KCNJ15: variants seen among roughly 807,000 people sequenced by gnomAD.
The protein encoded by KCNJ15 is ATP-sensitive inward rectifier potassium channel 15.
Under a neutral mutation model 23.0 loss-of-function variants are expected in KCNJ15, and 14 were observed. The observed-to-expected ratio is 0.61, with a 90% CI of 0.40 to 0.95. The LOEUF (loss-of-function observed/expected upper bound fraction) is 0.95. Ranked by LOEUF, KCNJ15 falls within the 40% of genes least tolerant of loss-of-function variation. The probability of loss-of-function intolerance (pLI) is 0.00; values close to 1 mark genes in which losing one functional copy is unlikely to be tolerated. For synonymous variants in KCNJ15, 185 were observed against 183.2 expected, an observed-to-expected ratio of 1.01 and a Z score of -0.08; for missense variants, 388 against 461.8, an observed-to-expected ratio of 0.84 and a Z score of 1.46.
intron 1 of KCNJ15, among the ~76,000 whole-genome samples, chr21:38,243,941 A>G (rs1336472072): frequency 2.6e-5 from 4 of 152,182 alleles, no homozygotes; most frequent in Non-Finnish European, 5.9e-5. Flanking sequence ...CTTTGTTTCC[A>G]CTGTGTTTCT....
chr21:38,288,942 G>A (rs1195898009), intron 1 of KCNJ15, among the ~76,000 whole-genome samples: 1 of 152,298 alleles, frequency 6.6e-6, no homozygotes, highest in South Asian at 2.1e-4. Context: ...GCTCACGCCT[G>A]TAATCTCATC....
intron 1 of KCNJ15, among the ~76,000 whole-genome samples, chr21:38,263,750 TG>T (rs1981170472): frequency 6.6e-6 from 1 of 152,210 alleles, no homozygotes; most frequent in African/African-American, 2.4e-5. Flanking sequence ...GTTGTACTAC[TG>T]GGGCCTGACT....
intron 1 of KCNJ15, among the ~76,000 whole-genome samples, chr21:38,235,546 T>A (rs1978546762): frequency 6.6e-6 from 1 of 152,172 alleles, no homozygotes; most frequent in South Asian, 2.1e-4. Flanking sequence ...AGAGCAAGAC[T>A]TCATCTCAAG....
chr21:38,296,457 T>C (rs1324058838), intron 1 of KCNJ15: 1 of 152,278 alleles, frequency 6.6e-6, no homozygotes, highest in East Asian at 1.9e-4. Context: ...CCTTGTTCTT[T>C]CTGCCAGGAC....
intron 1 of KCNJ15, among the ~76,000 whole-genome samples, chr21:38,287,040 G>T (rs1983983933): frequency 1.3e-5 from 2 of 151,786 alleles, no homozygotes; most frequent in South Asian, 4.1e-4. Context: ...TACTGTAATA[G>T]GTGCATTTTA....
At chr21:38,273,363 T>A (rs1055358193) in intron 1 of KCNJ15, among the ~76,000 whole-genome samples, 2 of 152,214 alleles carry the variant, frequency 1.3e-5, no homozygotes, top group African/African-American at 4.8e-5. Flanking sequence ...TCTAAATTAA[T>A]CTTAGTGCAG....
At chr21:38,241,592 G>A (rs1441321826) in intron 1 of KCNJ15, among the ~76,000 whole-genome samples, 1 of 152,182 alleles carries the variant, frequency 6.6e-6, no homozygotes, top group Non-Finnish European at 1.5e-5. Flanking sequence ...AAATAAATCT[G>A]GGCAAAATAT....
intron 1 of KCNJ15, among the ~76,000 whole-genome samples, chr21:38,290,708 G>T (rs957660064): frequency 7.9e-5 from 12 of 152,144 alleles, no homozygotes; most frequent in African/African-American, 2.9e-4. Flanking sequence ...AGATGCTGCG[G>T]TTGGATGAGG....
intron 1 of KCNJ15, among the ~76,000 whole-genome samples, chr21:38,268,550 G>GAA (rs576709021): frequency 0.27 from 12,477 of 46,442 alleles, 3,383 homozygotes; most frequent in Non-Finnish European, 0.44. Context: ...CTTAAAATCT[G>GAA]AAAAAAAAAA....
chr21:38,290,577 C>A (rs1984494393), intron 1 of KCNJ15, among the ~76,000 whole-genome samples: 1 of 152,180 alleles, frequency 6.6e-6, no homozygotes, highest in Non-Finnish European at 1.5e-5. Flanking sequence ...CAAACTCCAG[C>A]TACCGAATTG....
chr21:38,244,119 AT>A (rs961118433), intron 1 of KCNJ15, among the ~76,000 whole-genome samples: 1,576 of 149,758 alleles, frequency 0.011, 24 homozygotes, highest in African/African-American at 0.032. Context: ...TCTCCTATTA[AT>A]TTTTTTTTTG....
Position 38,305,451 on chromosome 21 carries a change from C to G in KCNJ15, c.*5062C>G, listed in dbSNP as rs903861295. The G allele has an allele frequency of 6.6e-6, 1 of 152,060 alleles. No homozygotes were observed. Among genetic ancestry groups the G allele is most frequent in the African/African-American group, 2.4e-5 (1 of 41,400 alleles). The allele number at this position is 152,060 out of a possible 1,614,324, so 9.4% of individuals were successfully genotyped here. The stretch of plus-strand genomic sequence containing the variant: ...GATACTTAATAGCTAATAAAAATTA[C>G]AAGAAAGGATGGTGGAAGTCAAAGG... On this transcript the variant is annotated 3_prime_UTR_variant, in exon 3 of 3. Transcript: ENST00000398938.
At chr21:38,231,534 G>A (rs2123532084) in intron 1 of KCNJ15, among the ~76,000 whole-genome samples, 1 of 151,998 alleles carries the variant, frequency 6.6e-6, no homozygotes, top group African/African-American at 2.4e-5. Context: ...TTGGGGAAAA[G>A]CATTCAGTCT....
chr21:38,253,840 A>T (rs958138351), upstream of KCNJ15, among the ~76,000 whole-genome samples: 2 of 152,226 alleles, frequency 1.3e-5, no homozygotes, highest in African/African-American at 2.4e-5. Context: ...CAAATTTGAC[A>T]CAACTAAGAG....
intron 1 of KCNJ15, among the ~76,000 whole-genome samples, chr21:38,271,883 G>A (rs578201459): frequency 2.0e-5 from 3 of 152,308 alleles, no homozygotes; most frequent in African/African-American, 7.2e-5. Flanking sequence ...ATGGGAAGCT[G>A]CTAGCATGCT....
chr21:38,241,101 A>G (rs1354041794), intron 1 of KCNJ15, among the ~76,000 whole-genome samples: 1 of 152,246 alleles, frequency 6.6e-6, no homozygotes, highest in East Asian at 1.9e-4. Context: ...AACATATTGT[A>G]CTTTATTGTA....
intron 1 of KCNJ15, among the ~76,000 whole-genome samples, chr21:38,265,171 C>G (rs2836260): frequency 0.21 from 31,202 of 152,116 alleles, 3,528 homozygotes; most frequent in East Asian, 0.44. Flanking sequence ...AGGTATTTGG[C>G]TCTGAATGTG....
intron 1 of KCNJ15, among the ~76,000 whole-genome samples, chr21:38,242,942 TG>T (rs996774895): frequency 1.3e-5 from 2 of 152,116 alleles, no homozygotes; most frequent in African/African-American, 4.8e-5. Context: ...ACCTGGTAAA[TG>T]TTGAACAAAT....
At chr21:38,254,925 G>A (rs1054715598), upstream of KCNJ15, among the ~76,000 whole-genome samples, 3 of 152,124 alleles carry the variant, frequency 2.0e-5, no homozygotes, top group African/African-American at 4.8e-5. Flanking sequence ...AAAGTTCCAC[G>A]GTAACAAATC....
Sources: allele counts gnomAD v4.1 joint callset (sites outside exome capture counted in the v4.1 genomes callset), GRCh38; gene constraint gnomAD v4.1.1; transcripts MANE v1.5; gene names NCBI Gene and HGNC (gene_info 2026-07-23, HGNC 2026-07-21).